GALNT9: variants seen among roughly 807,000 people sequenced by gnomAD.
The protein encoded by GALNT9 is GalNAc transferase 9.
GALNT9 carries 47 observed loss-of-function variants against 63.1 expected under a neutral mutation model. That is an observed-to-expected ratio of 0.75 (90% CI 0.59 to 0.95). The LOEUF (loss-of-function observed/expected upper bound fraction) is 0.95, where lower values mean the gene tolerates loss of function less well. Ranked by LOEUF, GALNT9 falls within the 40% of genes least tolerant of loss-of-function variation. The pLI is 0.00. For synonymous variants in GALNT9, 396 were observed against 365.7 expected (o/e 1.08, Z -0.94); for missense variants, 829 against 874.8 (o/e 0.95, Z 0.66).
intron 6 of GALNT9, among the ~76,000 whole-genome samples, chr12:132,230,640 C>A (rs1290660423): frequency 3.3e-5 from 5 of 152,176 alleles, no homozygotes; most frequent in Non-Finnish European, 7.3e-5. Context: ...GAAGGCTGCC[C>A]GGGCAGGACC....
chr12:132,299,068 C>G (rs1410907021), intron 1 of GALNT9, among the ~76,000 whole-genome samples: 3 of 136,766 alleles, frequency 2.2e-5, no homozygotes, highest in African/African-American at 8.2e-5. Context: ...TCCCACCACA[C>G]CTAACCCACC....
intron 8 of GALNT9, among the ~76,000 whole-genome samples, chr12:132,199,841 G>A (rs552845969): frequency 9.6e-5 from 14 of 145,234 alleles, no homozygotes; most frequent in African/African-American, 1.5e-4. Flanking sequence ...GGGTGGCCCC[G>A]GCTCGTGAGC....
In GALNT9 at chr12:132,212,880, C is replaced by T. The variant is rs559345266; in HGVS notation, c.1078-9190G>A. Among the ~76,000 whole-genome samples the T allele has an allele frequency of 3.5e-3, 278 of 79,884 alleles. 4 individuals carry two copies. Among genetic ancestry groups the T allele is most frequent in the African/African-American group, 0.014 (260 of 18,716 alleles). 52.4% of individuals were successfully genotyped at this position (79,884 alleles called of 152,430 possible). On this transcript the variant is annotated intron_variant, in intron 6 of 10. Transcript: ENST00000328957. Reference sequence around the variant, plus strand: ...ACCCGGGTCTGCAGCCCTCAGACCTCGACACGGAAACCCCACCCGGGTCTG... The same window carrying T: ...ACCCGGGTCTGCAGCCCTCAGACCTTGACACGGAAACCCCACCCGGGTCTG...
intron 1 of GALNT9, among the ~76,000 whole-genome samples, chr12:132,320,010 C>A (rs1868708223): frequency 6.6e-6 from 1 of 152,224 alleles, no homozygotes; most frequent in Admixed American, 6.5e-5. Context: ...AACCACTGGG[C>A]CACTGGGTCC....
At chr12:132,229,385 G>A (rs960602144) in intron 6 of GALNT9, among the ~76,000 whole-genome samples, 7 of 152,210 alleles carry the variant, frequency 4.6e-5, no homozygotes, top group African/African-American at 1.7e-4. Flanking sequence ...GCTCACTCAG[G>A]AGTCTGTTCA....
chr12:132,209,690 C>T (rs1876872803), intron 6 of GALNT9, among the ~76,000 whole-genome samples: 1 of 152,318 alleles, frequency 6.6e-6, no homozygotes, highest in South Asian at 2.1e-4. Context: ...CCCCCCAGCA[C>T]CAAGACAGTT....
Position 132,201,160 on chromosome 12 carries a change from C to T in GALNT9, c.1365G>A (p.Glu455=), listed in dbSNP as rs2135500745. 6.2e-7 allele frequency: 1 copy of T among 1,613,578 alleles called. No homozygotes were observed. Among genetic ancestry groups the T allele is most frequent in the East Asian group, 2.2e-5 (1 of 44,884 alleles). ...TGAGGGTGTTGTTGTAGACCCTCAT[C>T]TCCGGGTACACGTTCTCCAGGTACC... is the stretch of plus-strand genomic sequence containing the variant. ...FKWYLENVYP[E]MRVYNNTLTY... Residue 455 remains glutamate (E), a synonymous_variant, in exon 8 of 11, where the codon GAG becomes GAA. Coordinates refer to ENST00000328957, the MANE Select transcript of GALNT9 (RefSeq NM_001122636.2).
intron 7 of GALNT9, 47 bp from the exon 8 acceptor site, chr12:132,201,308 C>G (rs748660683): frequency 1.5e-6 from 2 of 1,375,084 alleles, no homozygotes; most frequent in East Asian, 2.3e-5. Flanking sequence ...GTCACCATGA[C>G]CTGGGTCTTC....
intron 1 of GALNT9, among the ~76,000 whole-genome samples, chr12:132,303,380 CCGGGG>C (rs1555244054): frequency 6.8e-6 from 1 of 147,404 alleles, no homozygotes; most frequent in East Asian, 1.9e-4. Flanking sequence ...AGCACCCTCT[CCGGGG>C]CACAGCCTCG....
chr12:132,216,807 C>G lies in GALNT9; in HGVS notation c.1078-13117G>C, dbSNP rs11247011. Among the ~76,000 whole-genome samples the G allele has an allele frequency of 4.4e-3, 666 of 152,348 alleles. 17 individuals are homozygous for G. In the East Asian group the frequency reaches 0.065, roughly 15 times the overall value. On this transcript the variant is annotated intron_variant, in intron 6 of 10. Transcript: ENST00000328957. ...CACCGTTCTGAGCTCGAGGCTTTGG[C>G]TCCCAGGCAGCCTGTGAGGCGGCGT...
intron 1 of GALNT9, among the ~76,000 whole-genome samples, chr12:132,287,752 G>A (rs1470289376): frequency 6.6e-6 from 1 of 152,116 alleles, no homozygotes; most frequent in Non-Finnish European, 1.5e-5. Flanking sequence ...GGGTGCCCAA[G>A]GGGGCCGGGC....
Position 132,315,685 on chromosome 12 carries a change from T to C in GALNT9, c.238+13281A>G, listed in dbSNP as rs1868478434. Among the ~76,000 whole-genome samples, 1 of 152,182 alleles carries C rather than the reference T, an allele frequency of 6.6e-6. No homozygotes were observed. Among genetic ancestry groups the C allele is most frequent in the Admixed American group, 6.5e-5 (1 of 15,280 alleles). On this transcript the variant is annotated intron_variant, in intron 1 of 10. Transcript: ENST00000328957. The surrounding 1 kb of genome is among the most constrained non-coding windows in gnomAD (Gnocchi z 6.1). ...TGAAGGCCACCAGTTCGGATCCCAG[T>C]TCTGCCATTACCAGGCTGCGCATCC...
intron 6 of GALNT9, among the ~76,000 whole-genome samples, chr12:132,229,580 G>A (rs1877819751): frequency 6.6e-6 from 1 of 152,198 alleles, no homozygotes; most frequent in Non-Finnish European, 1.5e-5. Flanking sequence ...CTGCTCTCAT[G>A]AGCACGCGTG....
intron 6 of GALNT9, among the ~76,000 whole-genome samples, chr12:132,235,163 A>AGAG (rs1491547462): frequency 1.7e-5 from 1 of 59,912 alleles, no homozygotes; most frequent in African/African-American, 9.5e-5. Context: ...ATGGGGTGAC[A>AGAG]GGGACAGCGT....
intron 6 of GALNT9, among the ~76,000 whole-genome samples, chr12:132,214,468 GCAACGAGAGTCCACGCCCCACCAGC>G (rs1164799418): frequency 3.0e-4 from 46 of 152,250 alleles, no homozygotes; most frequent in Middle Eastern, 3.4e-3. Context: ...TGCAAACCAG[GCAACGAGAGTCCACGCCCCACCAGC>G]CAACGCGAAT....
chr12:132,211,621 A>G (rs1315220941), intron 6 of GALNT9, among the ~76,000 whole-genome samples: 2 of 151,958 alleles, frequency 1.3e-5, no homozygotes, highest in Non-Finnish European at 1.5e-5. Flanking sequence ...TGTGTCCCTC[A>G]TCCTCTGTCT....
intron 1 of GALNT9, among the ~76,000 whole-genome samples, chr12:132,297,926 C>T (rs1233106222): frequency 6.6e-6 from 1 of 150,714 alleles, no homozygotes; most frequent in Non-Finnish European, 1.5e-5. Flanking sequence ...TCCTAGACAA[C>T]CAAGCCAATC....
chr12:132,328,820 G>A lies in GALNT9; in HGVS notation c.238+146C>T, dbSNP rs1418233116. ...TGCCCGCTGCTGAAGGGGCTTCCGC[G>A]GCCCTTCCCTCTCCTCTCTCCTGTA... On this transcript the variant is annotated intron_variant, in intron 1 of 10. Coordinates refer to ENST00000328957, the MANE Select transcript of GALNT9 (RefSeq NM_001122636.2). 3.9e-6 allele frequency: 4 copies of A among 1,018,060 alleles called. No homozygotes were observed. In the African/African-American group the frequency reaches 5.1e-5, roughly 13 times the overall value. 63.1% of individuals were successfully genotyped at this position (1,018,060 alleles called of 1,614,324 possible). A position where few individuals can be genotyped will look rare whatever the true frequency, so the allele number is the denominator to read the frequency against.
chr12:132,298,396 C>T (rs1270655389), intron 1 of GALNT9, among the ~76,000 whole-genome samples: 2 of 151,590 alleles, frequency 1.3e-5, no homozygotes, highest in African/African-American at 2.4e-5. Flanking sequence ...ATACCTAATC[C>T]ACTCCTGATA....
Sources: allele counts gnomAD v4.1 joint callset (sites outside exome capture counted in the v4.1 genomes callset), GRCh38; gene constraint gnomAD v4.1.1; non-coding constraint Gnocchi (gnomAD v3.1); transcripts MANE v1.5; gene names NCBI Gene and HGNC (gene_info 2026-07-23, HGNC 2026-07-21).